Variants in TENM4 observed in about 807,000 individuals in gnomAD.
The protein encoded by TENM4 is teneurin transmembrane protein 4, also known as teneurin-4.
A neutral mutation model predicts 243.3 loss-of-function variants in TENM4; 82 were observed. That is an observed-to-expected ratio of 0.34 (90% CI 0.28 to 0.40). TENM4 has a LOEUF of 0.40. Among genes scored for constraint, TENM4 ranks in the 10% least tolerant of loss-of-function variants. The pLI is 1.00. For missense variants in TENM4, 3,138 were observed against 3,673.3 expected, an observed-to-expected ratio of 0.85 and a Z score of 3.77; for synonymous variants, 1,412 against 1,456.3, an observed-to-expected ratio of 0.97 and a Z score of 0.69.
chr11:78,892,905 C>G (rs116707697), intron 7 of TENM4, among the ~76,000 whole-genome samples: 175 of 152,332 alleles, frequency 1.1e-3, no homozygotes, highest in Middle Eastern at 0.01. Context: ...AACCCTGTCT[C>G]TCTCTGCACA....
At chr11:79,170,031 C>T (rs930938610) in intron 3 of TENM4, among the ~76,000 whole-genome samples, 1 of 152,136 alleles carries the variant, frequency 6.6e-6, no homozygotes, top group Non-Finnish European at 1.5e-5. Flanking sequence ...AGCTGGCTGG[C>T]TTTTTGGGCT....
intron 1 of TENM4, among the ~76,000 whole-genome samples, chr11:79,309,948 C>T (rs1856691010): frequency 6.6e-6 from 1 of 152,198 alleles, no homozygotes; most frequent in Non-Finnish European, 1.5e-5. Context: ...TCTGGGTCTG[C>T]CTGTGGGAGC....
At chr11:79,047,492 C>T (rs986530773) in intron 6 of TENM4, among the ~76,000 whole-genome samples, 5 of 152,222 alleles carry the variant, frequency 3.3e-5, no homozygotes, top group Non-Finnish European at 7.3e-5. Flanking sequence ...CAGCAGCTCC[C>T]GGGAACCACC....
chr11:78,716,735 G>A (rs778755828), intron 25 of TENM4, among the ~76,000 whole-genome samples: 1 of 152,204 alleles, frequency 6.6e-6, no homozygotes, highest in Non-Finnish European at 1.5e-5. Flanking sequence ...CATGGCCTTC[G>A]AGCAGTTCTT....
chr11:79,150,756 T>G (rs1862492090), intron 3 of TENM4, among the ~76,000 whole-genome samples: 1 of 152,212 alleles, frequency 6.6e-6, no homozygotes, highest in South Asian at 2.1e-4. Flanking sequence ...GGACTTTCTC[T>G]GACTCCTTCA....
intron 1 of TENM4, among the ~76,000 whole-genome samples, chr11:79,336,718 C>T (rs773156243): frequency 7.9e-5 from 12 of 152,172 alleles, no homozygotes; most frequent in Non-Finnish European, 1.6e-4. Flanking sequence ...GACCCAGGCC[C>T]AAAAGGATGT....
chr11:78,735,834 T>TCTCAC, intron 20 of TENM4, among the ~76,000 whole-genome samples: 1 of 102,454 alleles, frequency 9.8e-6, no homozygotes, highest in Non-Finnish European at 2.6e-5. Context: ...TTGTCTTGGC[T>TCTCAC]CCCACCCCTC....
intron 18 of TENM4, among the ~76,000 whole-genome samples, chr11:78,763,194 T>C (rs1278601854): frequency 6.6e-6 from 1 of 152,224 alleles, no homozygotes. Context: ...CCCCAGCTTT[T>C]GGGAAATAAC....
intron 3 of TENM4, among the ~76,000 whole-genome samples, chr11:79,200,006 A>G (rs1026077534): frequency 2.0e-5 from 3 of 152,162 alleles, no homozygotes; most frequent in African/African-American, 7.2e-5. Context: ...CTGATAAGCA[A>G]CTTCCCAGGC....
intron 25 of TENM4, among the ~76,000 whole-genome samples, chr11:78,715,950 A>T (rs936310993): frequency 7.2e-5 from 11 of 152,180 alleles, no homozygotes; most frequent in African/African-American, 1.9e-4. Context: ...TACCACTGAT[A>T]AGAATGCATC....
intron 12 of TENM4, among the ~76,000 whole-genome samples, chr11:78,842,706 G>T (rs78107594): frequency 0.019 from 2,957 of 152,342 alleles, 106 homozygotes; most frequent in African/African-American, 0.068. Flanking sequence ...GAGAGGACAT[G>T]GTGAGAAATG....
intron 1 of TENM4, among the ~76,000 whole-genome samples, chr11:79,420,682 T>TG (rs1459909149): frequency 5.9e-5 from 9 of 152,204 alleles, no homozygotes; most frequent in African/African-American, 1.7e-4. Flanking sequence ...CAGTTTTTTT[T>TG]TGGGGGGTGG....
intron 18 of TENM4, among the ~76,000 whole-genome samples, chr11:78,766,788 C>T (rs1258117099): frequency 2.0e-5 from 3 of 151,504 alleles, no homozygotes; most frequent in Non-Finnish European, 4.4e-5. Flanking sequence ...CTGAAACCTC[C>T]GCCTCCCAAA....
intron 2 of TENM4, among the ~76,000 whole-genome samples, chr11:79,273,984 T>C (rs1856011769): frequency 6.6e-6 from 1 of 152,122 alleles, no homozygotes; most frequent in African/African-American, 2.4e-5. Context: ...AAGGGAAGAA[T>C]GCTGGCCTCC....
intron 19 of TENM4, among the ~76,000 whole-genome samples, chr11:78,745,075 G>C (rs1347137540): frequency 6.6e-6 from 1 of 152,050 alleles, no homozygotes; most frequent in Non-Finnish European, 1.5e-5. Flanking sequence ...ACCATTTTAT[G>C]AGTAAGTTTG....
At chr11:78,979,646 C>A (rs996268672) in intron 6 of TENM4, among the ~76,000 whole-genome samples, 2 of 152,140 alleles carry the variant, frequency 1.3e-5, no homozygotes, top group African/African-American at 2.4e-5. Flanking sequence ...CCAAGGCTCA[C>A]AGGGAGAGAA....
intron 3 of TENM4, 84 bp from the exon 4 acceptor site, chr11:79,148,890 G>A (rs544971073): frequency 6.1e-6 from 2 of 328,924 alleles, no homozygotes; most frequent in Non-Finnish European, 8.7e-6. Context: ...CTGGCAGCTT[G>A]GGAGGTGGGG....
At chr11:79,008,414 GA>G (rs1301485533) in intron 6 of TENM4, among the ~76,000 whole-genome samples, 1 of 151,800 alleles carries the variant, frequency 6.6e-6, no homozygotes, top group Non-Finnish European at 1.5e-5. Flanking sequence ...TAAAAATTTA[GA>G]AAAAAAGGAA....
chr11:78,899,444 G>A (rs1855875171), intron 7 of TENM4, among the ~76,000 whole-genome samples: 1 of 151,580 alleles, frequency 6.6e-6, no homozygotes, highest in African/African-American at 2.4e-5. Context: ...GCATGGGGGT[G>A]GCACATGCCT....
Sources: gnomAD v4.1 joint callset for allele counts (sites outside exome capture counted in the v4.1 genomes callset) on GRCh38, gnomAD v4.1.1 for gene constraint, MANE v1.5 for transcripts, NCBI Gene and HGNC (gene_info 2026-07-23, HGNC 2026-07-21) for gene names.